The following PCLO variants were observed in gnomAD, a reference collection of about 807,000 sequenced individuals.
PCLO encodes the protein piccolo presynaptic cytomatrix protein, also known as protein piccolo.
PCLO carries 82 observed loss-of-function variants against 427.5 expected under a neutral mutation model. The ratio of observed to expected loss-of-function variants is 0.19; its 90% confidence interval spans 0.16 to 0.23. The LOEUF is 0.23. Among genes scored for constraint, PCLO ranks in the 10% least tolerant of loss-of-function variants. The pLI is 1.00. For synonymous variants in PCLO, 2,357 were observed against 2,155.4 expected, an observed-to-expected ratio of 1.09 and a Z score of -2.59; for missense variants, 6,239 against 6,115.9, an observed-to-expected ratio of 1.02 and a Z score of -0.67.
intron 10 of PCLO, among the ~76,000 whole-genome samples, chr7:82,852,830 A>C (rs1253845250): frequency 1.3e-5 from 2 of 152,002 alleles, no homozygotes; most frequent in African/African-American, 4.8e-5. Context: ...ATTCTCTCCA[A>C]CTGTATTTTT....
rs377592134 is a variant in PCLO, at chr7:82,954,753, T to C, written c.6200A>G (p.Glu2067Gly). 1 of 1,613,862 alleles carries C rather than the reference T, an allele frequency of 6.2e-7. No individual in the cohort carries two copies. The highest frequency in any genetic ancestry group is 8.5e-7 in the Non-Finnish European group (1 of 1,179,836). The change falls in exon 5 of 25, where the codon GAA becomes GGA. Residue 2067 changes from glutamate to glycine, a missense_variant. This residue lies in a region of PCLO where 4,677 missense variants were observed against 4,468.4 expected (regional missense o/e 1.05). Coordinates refer to ENST00000333891, the MANE Select transcript of PCLO (RefSeq NM_033026.6). ...TTGCATCTGTTGCCTCTTCATAAGT[T>C]CTTCATAGGCAGCATCAGCATCTAG... The part of the protein sequence containing the change: ...KLLDADAAYE[E>G]LMKRQQMQLT...
At chr7:83,062,012 T>C (rs1020523248) in intron 3 of PCLO, among the ~76,000 whole-genome samples, 15 of 152,192 alleles carry the variant, frequency 9.9e-5, no homozygotes, top group African/African-American at 3.6e-4. Context: ...TATCAGAATG[T>C]ATATGACATT....
At chr7:82,993,182 T>C (rs942388365) in intron 3 of PCLO, among the ~76,000 whole-genome samples, 5 of 151,984 alleles carry the variant, frequency 3.3e-5, no homozygotes, top group Non-Finnish European at 7.4e-5. Flanking sequence ...TAATATCTCA[T>C]TATAAAATTT....
chr7:83,092,327 G>A (rs1030503593), intron 3 of PCLO, among the ~76,000 whole-genome samples: 2 of 152,096 alleles, frequency 1.3e-5, no homozygotes, highest in Non-Finnish European at 2.9e-5. Flanking sequence ...AACACCTTAA[G>A]CCATTATCCC....
At chr7:83,115,281 G>A (rs1347751004) in intron 3 of PCLO, among the ~76,000 whole-genome samples, 1 of 152,000 alleles carries the variant, frequency 6.6e-6, no homozygotes, top group Non-Finnish European at 1.5e-5. Flanking sequence ...TGCTTGTGAA[G>A]TACTTTGAGA....
At chr7:82,933,585 T>G (rs1794885579) in intron 6 of PCLO, among the ~76,000 whole-genome samples, 1 of 149,856 alleles carries the variant, frequency 6.7e-6, no homozygotes, top group African/African-American at 2.5e-5. Context: ...TTTTTTAATA[T>G]TCCTGATATA....
intron 3 of PCLO, among the ~76,000 whole-genome samples, chr7:83,073,783 A>AT (rs1700122096): frequency 6.6e-6 from 1 of 151,120 alleles, no homozygotes; most frequent in Non-Finnish European, 1.5e-5. Context: ...TTTTAACATA[A>AT]ATTTTTTTAA....
At chr7:82,934,802 T>C (rs1794913534) in intron 6 of PCLO, among the ~76,000 whole-genome samples, 1 of 151,692 alleles carries the variant, frequency 6.6e-6, no homozygotes, top group South Asian at 2.1e-4. Flanking sequence ...TTTCAAATGA[T>C]AAAATATATT....
chr7:82,791,942 A>G (rs1014849259), intron 22 of PCLO, among the ~76,000 whole-genome samples: 6 of 152,060 alleles, frequency 3.9e-5, no homozygotes, highest in Non-Finnish European at 5.9e-5. Flanking sequence ...TTCTTCCTGA[A>G]CATTTATAAA....
At position 83,049,216 on chromosome 7, in the gene PCLO, G is replaced by C. The variant is rs185854095; in HGVS notation, c.3301-82729C>G. 2.6e-5 allele frequency among the ~76,000 whole-genome samples: 4 copies of C among 152,238 alleles called. No homozygotes were observed. In the East Asian group the frequency reaches 7.7e-4, roughly 29 times the overall value. On this transcript the variant is annotated intron_variant, in intron 3 of 24. Coordinates refer to ENST00000333891, the MANE Select transcript of PCLO (RefSeq NM_033026.6). ...TGATGAAATAGGGCAGTGACTACCT[G>C]AAAGATAAGAGCGGCAATATATGAA...
At chr7:83,115,201 C>T (rs948095526) in intron 3 of PCLO, among the ~76,000 whole-genome samples, 4 of 151,982 alleles carry the variant, frequency 2.6e-5, no homozygotes, top group Admixed American at 1.3e-4. Flanking sequence ...ACCGTGTGTT[C>T]TAATTGGCTT....
chr7:83,108,238 TTTTCC>T (rs1212616276), intron 3 of PCLO, among the ~76,000 whole-genome samples: 1 of 152,034 alleles, frequency 6.6e-6, no homozygotes, highest in Non-Finnish European at 1.5e-5. Context: ...AAGTAATGTG[TTTTCC>T]TTTCCTTTGT....
At chr7:82,879,746 C>A in intron 9 of PCLO, 1 of 438,466 alleles carries the variant, frequency 2.3e-6, no homozygotes, top group Non-Finnish European at 4.3e-6. Flanking sequence ...CAATTTTTGA[C>A]TAGGTATTTT....
intron 4 of PCLO, 57 bp downstream of exon 4, chr7:82,965,714 T>A: frequency 8.2e-7 from 1 of 1,225,330 alleles, no homozygotes; most frequent in Non-Finnish European, 1.2e-6. Context: ...TATACTTAGG[T>A]TAAAAATTAG....
intron 9 of PCLO, among the ~76,000 whole-genome samples, chr7:82,897,171 A>G (rs978408038): frequency 2.0e-5 from 3 of 151,646 alleles, no homozygotes; most frequent in African/African-American, 7.2e-5. Flanking sequence ...CATGGAGTTC[A>G]TTTTATTTAC....
intron 6 of PCLO, among the ~76,000 whole-genome samples, chr7:82,948,567 T>C (rs572621859): frequency 6.6e-6 from 1 of 152,206 alleles, no homozygotes; most frequent in South Asian, 2.1e-4. Context: ...TGAACAGAAG[T>C]CTTGTTCTAA....
chr7:83,016,159 A>G (rs1334733352), intron 3 of PCLO, among the ~76,000 whole-genome samples: 3 of 152,126 alleles, frequency 2.0e-5, no homozygotes, highest in Non-Finnish European at 4.4e-5. Context: ...ACCCACTATC[A>G]GAGGCCCAAC....
chr7:83,010,909 C>T (rs1384225497), intron 3 of PCLO, among the ~76,000 whole-genome samples: 1 of 152,008 alleles, frequency 6.6e-6, no homozygotes, highest in African/African-American at 2.4e-5. Flanking sequence ...TGCTTTCGAC[C>T]CATATGAATA....
chr7:82,890,316 T>C (rs1196073334), intron 9 of PCLO, among the ~76,000 whole-genome samples: 1 of 151,978 alleles, frequency 6.6e-6, no homozygotes, highest in Admixed American at 6.6e-5. Flanking sequence ...TATGTACACA[T>C]AGTTTGTGAA....
Sources: gnomAD v4.1 joint callset for allele counts (sites outside exome capture counted in the v4.1 genomes callset) on GRCh38, gnomAD v4.1.1 for gene constraint, gnomAD v4.1.1 regional missense constraint, MANE v1.5 for transcripts, NCBI Gene and HGNC (gene_info 2026-07-23, HGNC 2026-07-21) for gene names.